The following PCDH9 variants were observed in gnomAD, a reference collection of about 807,000 sequenced individuals.
PCDH9 encodes protocadherin-9.
A neutral mutation model predicts 70.6 loss-of-function variants in PCDH9; 24 were observed. The ratio of observed to expected loss-of-function variants is 0.34; its 90% CI spans 0.25 to 0.48. The LOEUF (loss-of-function observed/expected upper bound fraction) is 0.48, where lower values mean the gene tolerates loss of function less well. Ranked by LOEUF, PCDH9 falls within the 20% of genes least tolerant of loss-of-function variation. The pLI, the probability that PCDH9 is intolerant of heterozygous loss-of-function variation, is 0.99. For missense variants in PCDH9, 1,281 were observed against 1,503.6 expected (o/e 0.85, Z 2.45); for synonymous variants, 562 against 558.5 (o/e 1.01, Z -0.09).
At position 66,519,232 on chromosome 13, in the gene PCDH9, T is replaced by C. The variant is rs1394669219; in HGVS notation, c.3340+111978A>G. On this transcript the variant is annotated intron_variant, in intron 4 of 4. Transcript: ENST00000377865. ...TAAGGTTCTGTAAGAATTAAATAAA[T>C]TTATATATAAAAATCCTTTAAAAAA... 2.0e-5 allele frequency among the ~76,000 whole-genome samples: 3 copies of C among 152,098 alleles called. No individual in the cohort carries two copies. In the East Asian group the frequency reaches 5.8e-4, roughly 29 times the overall value.
At chr13:67,129,745 C>T (rs2087065024) in intron 2 of PCDH9, among the ~76,000 whole-genome samples, 1 of 151,794 alleles carries the variant, frequency 6.6e-6, no homozygotes, top group African/African-American at 2.4e-5. Context: ...TTCTATCTTT[C>T]CAGACACTAC....
At chr13:66,878,835 G>T (rs1005997382) in intron 3 of PCDH9, among the ~76,000 whole-genome samples, 12 of 152,144 alleles carry the variant, frequency 7.9e-5, no homozygotes, top group Non-Finnish European at 2.9e-5. Flanking sequence ...AGAAGGTAAA[G>T]GATGTGGTAT....
chr13:66,709,281 C>A (rs1287761022), intron 3 of PCDH9, among the ~76,000 whole-genome samples: 1 of 152,190 alleles, frequency 6.6e-6, no homozygotes, highest in Non-Finnish European at 1.5e-5. Context: ...AAATAAATTA[C>A]ATTCACAACT....
chr13:66,342,774 T>C (rs1172882985), intron 4 of PCDH9, among the ~76,000 whole-genome samples: 1 of 63,034 alleles, frequency 1.6e-5, no homozygotes, highest in African/African-American at 4.9e-5. Flanking sequence ...CACATCCGGC[T>C]GATTTATTGT....
At chr13:66,996,356 A>G (rs1381065844) in intron 2 of PCDH9, 1 of 152,160 alleles carries the variant, frequency 6.6e-6, no homozygotes, top group Admixed American at 6.5e-5. Flanking sequence ...TAGTGTTTAA[A>G]AAAAAAAGAA....
chr13:66,766,656 AAGG>A (rs2079722819), intron 3 of PCDH9, among the ~76,000 whole-genome samples: 1 of 151,796 alleles, frequency 6.6e-6, no homozygotes, highest in African/African-American at 2.4e-5. Context: ...GGGGAAAGGG[AAGG>A]AGGAGAGGGA....
At chr13:67,207,921 T>C (rs2089388766) in intron 2 of PCDH9, 1 of 152,210 alleles carries the variant, frequency 6.6e-6, no homozygotes, top group Non-Finnish European at 1.5e-5. Context: ...TTTGTTCCAA[T>C]TCCTAATGAA....
intron 4 of PCDH9, among the ~76,000 whole-genome samples, chr13:66,489,150 T>C (rs966206878): frequency 4.6e-5 from 7 of 152,192 alleles, no homozygotes; most frequent in African/African-American, 1.4e-4. Context: ...TTAACTTTAT[T>C]TTTTTGATGT....
At chr13:66,829,149 CTGGGA>C (rs2080878624) in intron 3 of PCDH9, among the ~76,000 whole-genome samples, 1 of 152,106 alleles carries the variant, frequency 6.6e-6, no homozygotes, top group Admixed American at 6.6e-5. Context: ...TCCCGAGTAG[CTGGGA>C]CTACAGGCAT....
intron 2 of PCDH9, chr13:67,217,385 T>G (rs553204254): frequency 6.6e-6 from 1 of 152,098 alleles, no homozygotes; most frequent in Non-Finnish European, 1.5e-5. Context: ...GTGCCTACTG[T>G]GGGCTGCATA....
intron 2 of PCDH9, among the ~76,000 whole-genome samples, chr13:67,019,521 A>C (rs2084633486): frequency 6.6e-6 from 1 of 152,030 alleles, no homozygotes; most frequent in Non-Finnish European, 1.5e-5. Context: ...ACAAACAAAC[A>C]AACAAAAATC....
chr13:66,558,156 AAAAC>A (rs756297901), intron 4 of PCDH9, among the ~76,000 whole-genome samples: 11 of 152,158 alleles, frequency 7.2e-5, no homozygotes, highest in Admixed American at 1.3e-4. Flanking sequence ...CCCTGTCTCT[AAAAC>A]AAACAAACAA....
At chr13:66,507,707 T>TTTGC (rs1959252074) in intron 4 of PCDH9, among the ~76,000 whole-genome samples, 1 of 135,108 alleles carries the variant, frequency 7.4e-6, no homozygotes, top group Non-Finnish European at 1.6e-5. Context: ...TTTTTGTTTG[T>TTTGC]TTGTTTGTTT....
chr13:67,141,182 C>T lies in PCDH9; in HGVS notation c.3036+84223G>A, dbSNP rs185814941. ...AGCCTTACGATAGACAAAAATAAAA[C>T]GAGAGAAGAGCACATATGCAATACA... On this transcript the variant is annotated intron_variant, in intron 2 of 4. Transcript: ENST00000377865. Among the ~76,000 whole-genome samples the T allele has an allele frequency of 8.6e-5, 13 of 152,012 alleles. No homozygotes were observed. In the South Asian group the frequency reaches 1.2e-3, roughly 15 times the overall value.
At chr13:66,424,298 A>T (rs959288882) in intron 4 of PCDH9, among the ~76,000 whole-genome samples, 11 of 152,252 alleles carry the variant, frequency 7.2e-5, no homozygotes, top group African/African-American at 2.2e-4. Context: ...GCTACCATTG[A>T]CTTTCTTCAC....
chr13:66,596,198 G>A (rs2077100671), intron 4 of PCDH9, among the ~76,000 whole-genome samples: 1 of 151,480 alleles, frequency 6.6e-6, no homozygotes, highest in Non-Finnish European at 1.5e-5. Flanking sequence ...TTTATTTCAT[G>A]CACAACAAAT....
chr13:66,578,680 A>G (rs750848078), intron 4 of PCDH9, among the ~76,000 whole-genome samples: 1 of 152,160 alleles, frequency 6.6e-6, no homozygotes, highest in African/African-American at 2.4e-5. Flanking sequence ...TTAAGTAGAA[A>G]AAAGAAAAAG....
chr13:66,871,216 C>T (rs1403631605), intron 3 of PCDH9, among the ~76,000 whole-genome samples: 2 of 145,116 alleles, frequency 1.4e-5, no homozygotes, highest in African/African-American at 2.6e-5. Context: ...TGAAGGGGAA[C>T]ATCACACTCT....
At chr13:66,941,579 C>A (rs1198366922) in intron 2 of PCDH9, among the ~76,000 whole-genome samples, 2 of 151,736 alleles carry the variant, frequency 1.3e-5, no homozygotes, top group African/African-American at 4.8e-5. Context: ...ACACTAGCAC[C>A]ATTCAAAAGA....
Sources: gnomAD v4.1 joint callset for allele counts (sites outside exome capture counted in the v4.1 genomes callset) on GRCh38, gnomAD v4.1.1 for gene constraint, MANE v1.5 for transcripts, NCBI Gene and HGNC (gene_info 2026-07-23, HGNC 2026-07-21) for gene names.